Variants in LRRC8D observed in about 807,000 individuals in gnomAD.
The protein encoded by LRRC8D is volume-regulated anion channel subunit LRRC8D.
In LRRC8D, 20 loss-of-function variants were observed where a neutral mutation model predicts 55.8. That is an observed-to-expected ratio of 0.36 (90% CI 0.25 to 0.52). The LOEUF (loss-of-function observed/expected upper bound fraction) is 0.52, where lower values mean the gene tolerates loss of function less well. LRRC8D is among the 20% of genes least tolerant of loss of function. LRRC8D has a pLI of 0.93. For missense variants in LRRC8D, 651 were observed against 1,030.8 expected, an observed-to-expected ratio of 0.63 and a Z score of 5.05; for synonymous variants, 352 against 377.0, an observed-to-expected ratio of 0.93 and a Z score of 0.77.
At chr1:89,877,374 T>C (rs1662173203) in intron 2 of LRRC8D, among the ~76,000 whole-genome samples, 1 of 152,220 alleles carries the variant, frequency 6.6e-6, no homozygotes, top group African/African-American at 2.4e-5. Flanking sequence ...ATAATAACAG[T>C]ACCTTTTAAA....
Sources: gnomAD v4.1 joint callset for allele counts (sites outside exome capture counted in the v4.1 genomes callset) on GRCh38, gnomAD v4.1.1 for gene constraint, MANE v1.5 for transcripts, NCBI Gene and HGNC (gene_info 2026-07-23, HGNC 2026-07-21) for gene names.